Variants in TMEM87B observed in about 807,000 individuals in gnomAD.
TMEM87B encodes the protein transmembrane protein 87B.
Under a neutral mutation model 80.3 loss-of-function variants are expected in TMEM87B, and 83 were observed. The observed-to-expected ratio is 1.03, with a 90% CI of 0.87 to 1.24. The LOEUF (loss-of-function observed/expected upper bound fraction) is 1.24, where lower values mean the gene tolerates loss of function less well. Among genes scored for constraint, TMEM87B ranks in the 50% most tolerant of loss-of-function variants. The pLI, the probability that TMEM87B is intolerant of heterozygous loss-of-function variation, is 0.00. For missense variants in TMEM87B, 625 were observed against 674.4 expected, an observed-to-expected ratio of 0.93 and a Z score of 0.81; for synonymous variants, 219 against 230.5, an observed-to-expected ratio of 0.95 and a Z score of 0.45.
chr2:112,070,022 G>GT (rs1188374280), intron 4 of TMEM87B, among the ~76,000 whole-genome samples: 3 of 150,268 alleles, frequency 2.0e-5, no homozygotes, highest in Non-Finnish European at 3.0e-5. Flanking sequence ...ATTTTTTTTT[G>GT]TTTTTTTTCT....
In TMEM87B at chr2:112,090,951, G is replaced by A. The variant is rs532668036; in HGVS notation, c.1033-761G>A. Among the ~76,000 whole-genome samples, 8 of 152,092 alleles carry A rather than the reference G, an allele frequency of 5.3e-5. No individual in the cohort carries two copies. The East Asian group carries it at 1.5e-3, about 29-fold the overall frequency. On this transcript the variant is annotated intron_variant, in intron 10 of 18. Coordinates refer to ENST00000283206, the MANE Select transcript of TMEM87B (RefSeq NM_032824.3). Reference sequence around the variant, plus strand: ...TGTTAGATGCTCTTTTAGTCTTTGAGTATATTTATTTCCACGTTTGTATGA... The same window carrying A: ...TGTTAGATGCTCTTTTAGTCTTTGAATATATTTATTTCCACGTTTGTATGA...
intron 1 of TMEM87B, among the ~76,000 whole-genome samples, chr2:112,057,813 A>G (rs1181949120): frequency 6.7e-6 from 1 of 149,838 alleles, no homozygotes; most frequent in Non-Finnish European, 1.5e-5. Context: ...CCTGGAGGAG[A>G]GACCTGCCTC....
rs544104673 is a variant in TMEM87B at position 112,105,862 on chromosome 2, T to C, written c.1451-140T>C. 2.1e-4 allele frequency: 113 copies of C among 541,824 alleles called. 1 individual carries two copies. In the Middle Eastern group the frequency reaches 4.2e-3, roughly 20 times the overall value. The allele number at this position is 541,824 out of a possible 1,614,324, so 33.6% of individuals were successfully genotyped here. On this transcript the variant is annotated intron_variant, in intron 15 of 18. Transcript: ENST00000283206. ...TTTTCCTACATTCCCAAATGGTAAA[T>C]CCAGCATCCTGCCTAAAGTTTCCAT...
intron 2 of TMEM87B, among the ~76,000 whole-genome samples, chr2:112,060,440 ATAAT>A (rs1428307446): frequency 6.6e-6 from 1 of 152,242 alleles, no homozygotes; most frequent in Non-Finnish European, 1.5e-5. Flanking sequence ...TATAACATAT[ATAAT>A]AAACTAAGCA....
intron 15 of TMEM87B, 129 bp from the exon 16 acceptor site, chr2:112,105,873 G>T: frequency 1.7e-6 from 1 of 577,228 alleles, no homozygotes; most frequent in Non-Finnish European, 2.7e-6. Context: ...CCAGCATCCT[G>T]CCTAAAGTTT....
chr2:112,063,362 A>G (rs1176005100), intron 2 of TMEM87B, among the ~76,000 whole-genome samples: 3 of 152,146 alleles, frequency 2.0e-5, no homozygotes, highest in Non-Finnish European at 2.9e-5. Context: ...CAGTCTGCCT[A>G]TTTGTGTCAC....
Position 112,090,379 on chromosome 2 carries a change from ATTGGTTGG to A in TMEM87B, c.1032+700_1032+707del, listed in dbSNP as rs139232840. On this transcript the variant is annotated intron_variant, in intron 10 of 18. Transcript: ENST00000283206. ...TTTTGTTTGGTTGTCTCATTGGTTGATTGGTTGGTTGGTTGGTTGGTTGGTTGGTTGGT... is the reference window on the plus strand; with the variant it reads ...TTTTGTTTGGTTGTCTCATTGGTTGATTGGTTGGTTGGTTGGTTGGTTGGT... Among the ~76,000 whole-genome samples, 1,424 of 150,098 alleles carry A rather than the reference ATTGGTTGG, an allele frequency of 9.5e-3. 12 individuals carry two copies. The highest frequency in any genetic ancestry group is 0.01 in the Middle Eastern group (3 of 290).
chr2:112,066,249 A>G (rs531997974), intron 3 of TMEM87B, among the ~76,000 whole-genome samples: 113 of 152,292 alleles, frequency 7.4e-4, no homozygotes, highest in African/African-American at 2.5e-3. Context: ...GCATTCTACT[A>G]TAAGGATGCA....
chr2:112,056,408 G>C (rs1678061270), intron 1 of TMEM87B, among the ~76,000 whole-genome samples: 1 of 152,096 alleles, frequency 6.6e-6, no homozygotes, highest in Admixed American at 6.5e-5. Context: ...AGGCGAATCT[G>C]GAGGCATGAG....
Position 112,059,829 on chromosome 2 carries a change from C to G in TMEM87B, c.166-148C>G. 6 of 1,097,808 alleles carry G rather than the reference C, an allele frequency of 5.5e-6. No individual in the cohort carries two copies. The South Asian group carries it at 1.2e-4, about 22-fold the overall frequency. 68.0% of individuals were successfully genotyped at this position (1,097,808 alleles called of 1,614,324 possible). A position where few individuals can be genotyped will look rare whatever the true frequency, so the allele number is the denominator to read the frequency against. On this transcript the variant is annotated intron_variant, in intron 1 of 18. Coordinates refer to ENST00000283206, the MANE Select transcript of TMEM87B (RefSeq NM_032824.3). Reference sequence around the variant, plus strand: ...AGTAGAACCATGACAAGGTTTTAAGCAAGTTAGTGATGTGATCAGATTTAC... The same window carrying G: ...AGTAGAACCATGACAAGGTTTTAAGGAAGTTAGTGATGTGATCAGATTTAC...
At chr2:112,065,664 A>AAG (rs1553464238) in intron 3 of TMEM87B, among the ~76,000 whole-genome samples, 4 of 149,960 alleles carry the variant, frequency 2.7e-5, no homozygotes, top group Admixed American at 6.7e-5. Context: ...AAAAAAAAAA[A>AAG]AAGTTCACCA....
At position 112,055,645 on chromosome 2, in the gene TMEM87B, C is replaced by G; in HGVS notation, c.54C>G (p.Cys18Trp). Residue 18 changes from cysteine (C) to tryptophan (W), a missense_variant, in exon 1 of 19, where the codon TGC (cysteine) becomes TGG (tryptophan). Physicochemically the swap from Cys to Trp is radical, Grantham distance 215 (BLOSUM62 -2). Transcript: ENST00000283206. ...GGCTCCTGCCACGCCGCCGCCGCTG[C>G]TTTCCCGCCCGGGCCCCGCTGCTGC... ...VAGLLPRRRR[C>W]FPARAPLLRV... 5 of 1,564,584 alleles carry G rather than the reference C, an allele frequency of 3.2e-6. No individual in the cohort carries two copies. The highest frequency in any genetic ancestry group is 4.3e-6 in the Non-Finnish European group (5 of 1,157,858).
At chr2:112,107,720 A>C (rs959915574) in intron 16 of TMEM87B, 68 bp from the exon 17 acceptor site, 1 of 822,628 alleles carries the variant, frequency 1.2e-6, no homozygotes, top group Non-Finnish European at 1.9e-6. Context: ...AGTTATATAT[A>C]TATTCTGTTT....
chr2:112,058,458 ACT>A (rs950495932), intron 1 of TMEM87B, among the ~76,000 whole-genome samples: 1 of 152,190 alleles, frequency 6.6e-6, no homozygotes, highest in Non-Finnish European at 1.5e-5. Context: ...GCTTCAGCTT[ACT>A]CTGCATACAT....
intron 1 of TMEM87B, among the ~76,000 whole-genome samples, chr2:112,056,202 TAGAA>T (rs144405499): frequency 0.016 from 2,506 of 151,912 alleles, 32 homozygotes; most frequent in Middle Eastern, 0.054. Context: ...TGCATAAACT[TAGAA>T]AGCGGGTCTG....
chr2:112,077,637 G>T (rs1467402516), intron 6 of TMEM87B, among the ~76,000 whole-genome samples: 3 of 152,124 alleles, frequency 2.0e-5, no homozygotes, highest in African/African-American at 7.2e-5. Flanking sequence ...TCTGTTTCTT[G>T]AAAATGGCCA....
chr2:112,064,252 A>G lies in TMEM87B; in HGVS notation c.317A>G (p.Glu106Gly). ...TGTCACAATGAGCATTCTAATCTGG[A>G]AGTAAGTAAAACACAAGTTTTTAAT... The part of the protein sequence containing the change: ...HTCHNEHSNL[E>G]ELFQKHKLSV... Residue 106 changes from glutamate (E) to glycine (G), a missense_variant and splice_region_variant, in exon 3 of 19, where the codon GAA becomes GGA. Coordinates refer to ENST00000283206, the MANE Select transcript of TMEM87B (RefSeq NM_032824.3). The G allele has an allele frequency of 1.2e-6, 2 of 1,613,026 alleles. No individual in the cohort carries two copies. The highest frequency in any genetic ancestry group is 3.3e-4 in the Middle Eastern group (2 of 6,006).
chr2:112,055,314 C>G lies in TMEM87B; in HGVS notation c.-278C>G, dbSNP rs1341700200. ...CCCTGAGCCCAGCCTCCACGTCTCG[C>G]CGCCAACTCCACATCCTGGCTCCTA... On this transcript the variant is annotated 5_prime_UTR_variant, in exon 1 of 19. Transcript: ENST00000283206. 2.1e-6 allele frequency: 1 copy of G among 474,554 alleles called. No individual in the cohort carries two copies. The highest frequency in any genetic ancestry group is 2.1e-5 in the African/African-American group (1 of 48,486). The allele number at this position is 474,554 out of a possible 1,614,324, so 29.4% of individuals were successfully genotyped here.
chr2:112,095,493 A>G (rs1026361040), intron 11 of TMEM87B: 13 of 960,392 alleles, frequency 1.4e-5, no homozygotes, highest in African/African-American at 1.8e-5. Context: ...TTTTAAAATT[A>G]TTAAACCAGA....
Sources: gnomAD v4.1 joint callset for allele counts (sites outside exome capture counted in the v4.1 genomes callset) on GRCh38, gnomAD v4.1.1 for gene constraint, MANE v1.5 for transcripts, NCBI Gene and HGNC (gene_info 2026-07-23, HGNC 2026-07-21) for gene names.